MAGI1: variants seen among roughly 807,000 people sequenced by gnomAD.
MAGI1 encodes the protein membrane associated guanylate kinase, WW and PDZ domain containing 1.
A neutral mutation model predicts 139.9 loss-of-function variants in MAGI1; 58 were observed. That is an observed-to-expected ratio of 0.41 (90% CI 0.34 to 0.52). The LOEUF (loss-of-function observed/expected upper bound fraction) is 0.52, where lower values mean the gene tolerates loss of function less well. Ranked by LOEUF, MAGI1 falls within the 20% of genes least tolerant of loss-of-function variation. MAGI1 has a pLI of 0.12. For missense variants in MAGI1, 1,874 were observed against 1,901.6 expected (o/e 0.99, Z 0.27); for synonymous variants, 812 against 737.9 (o/e 1.10, Z -1.63).
intron 1 of MAGI1, among the ~76,000 whole-genome samples, chr3:65,753,458 C>T (rs975368029): frequency 2.0e-5 from 3 of 152,160 alleles, no homozygotes; most frequent in Non-Finnish European, 2.9e-5. Context: ...CAATCTGTCA[C>T]GCCTGTAATC....
intron 1 of MAGI1, among the ~76,000 whole-genome samples, chr3:65,776,918 C>T (rs952287441): frequency 6.6e-6 from 1 of 152,166 alleles, no homozygotes; most frequent in African/African-American, 2.4e-5. Flanking sequence ...CTGAACAGGG[C>T]TCCCTATTTC....
chr3:65,435,746 T>C (rs547238891), intron 10 of MAGI1, among the ~76,000 whole-genome samples: 5 of 152,136 alleles, frequency 3.3e-5, no homozygotes, highest in Non-Finnish European at 7.4e-5. Context: ...AGAGTAAACA[T>C]GGTAGGGGAA....
intron 1 of MAGI1, among the ~76,000 whole-genome samples, chr3:65,686,579 T>A (rs182427775): frequency 1.7e-3 from 258 of 152,260 alleles, no homozygotes; most frequent in African/African-American, 5.8e-3. Context: ...GCATGAGCCA[T>A]CGCACCCAGC....
At chr3:65,361,387 T>C (rs1337800633) in intron 21 of MAGI1, 50 bp from the exon 22 acceptor site, 1 of 1,592,770 alleles carries the variant, frequency 6.3e-7, no homozygotes, top group African/African-American at 1.3e-5. Flanking sequence ...ATGTACGGAT[T>C]CACCAAATGT....
chr3:65,391,455 C>G (rs770515293), intron 13 of MAGI1, 97 bp from the exon 14 acceptor site: 14 of 880,192 alleles, frequency 1.6e-5, no homozygotes, highest in Admixed American at 2.3e-5. Flanking sequence ...AGCACTTTTG[C>G]ATACACATAC....
intron 2 of MAGI1, among the ~76,000 whole-genome samples, chr3:65,591,950 C>G (rs1454825488): frequency 6.6e-6 from 1 of 152,200 alleles, no homozygotes; most frequent in Non-Finnish European, 1.5e-5. Context: ...CACTCAACCC[C>G]CTTACTCTGC....
intron 1 of MAGI1, among the ~76,000 whole-genome samples, chr3:65,848,306 C>T (rs1028525690): frequency 2.6e-5 from 4 of 152,114 alleles, no homozygotes; most frequent in African/African-American, 4.8e-5. Flanking sequence ...TGAAGCAAAG[C>T]GAAGCAACTT....
intron 1 of MAGI1, among the ~76,000 whole-genome samples, chr3:65,878,764 G>A (rs938199818): frequency 2.0e-5 from 3 of 152,106 alleles, no homozygotes; most frequent in African/African-American, 7.2e-5. Context: ...GTTACAAATA[G>A]CCCAGGGCCC....
intron 1 of MAGI1, among the ~76,000 whole-genome samples, chr3:65,705,987 G>A (rs896104472): frequency 6.6e-6 from 1 of 152,180 alleles, no homozygotes; most frequent in Non-Finnish European, 1.5e-5. Context: ...CTGAGTCCAT[G>A]AGTAACAAAT....
At chr3:65,705,197 T>C (rs992919876) in intron 1 of MAGI1, among the ~76,000 whole-genome samples, 3 of 152,200 alleles carry the variant, frequency 2.0e-5, no homozygotes, top group Non-Finnish European at 2.9e-5. Context: ...AGCTTACATT[T>C]GGATAATAAA....
chr3:65,391,410 C>A, intron 13 of MAGI1, 52 bp from the exon 14 acceptor site: 1 of 1,477,932 alleles, frequency 6.8e-7, no homozygotes, highest in South Asian at 1.2e-5. Context: ...TATTGGTTCT[C>A]TGAATGGGTG....
At chr3:65,613,554 T>C (rs542940923) in intron 2 of MAGI1, among the ~76,000 whole-genome samples, 3 of 152,318 alleles carry the variant, frequency 2.0e-5, no homozygotes, top group South Asian at 2.1e-4. Flanking sequence ...TATGAGCTTT[T>C]ACGTTTGTAA....
At chr3:65,419,406 T>C (rs1460908853) in intron 12 of MAGI1, among the ~76,000 whole-genome samples, 1 of 152,172 alleles carries the variant, frequency 6.6e-6, no homozygotes, top group East Asian at 1.9e-4. Context: ...CTGTTTCACT[T>C]CCAAGAAAAA....
At chr3:65,962,145 C>A (rs1383398913) in intron 1 of MAGI1, among the ~76,000 whole-genome samples, 1 of 130,236 alleles carries the variant, frequency 7.7e-6, no homozygotes, top group African/African-American at 3.0e-5. Flanking sequence ...TTTTTTTTGA[C>A]GGAGTCTCTC....
intron 2 of MAGI1, among the ~76,000 whole-genome samples, chr3:65,595,267 T>C (rs1308495340): frequency 6.6e-6 from 1 of 152,238 alleles, no homozygotes; most frequent in African/African-American, 2.4e-5. Context: ...CATTAATTCA[T>C]GGGCATAGTT....
intron 2 of MAGI1, among the ~76,000 whole-genome samples, chr3:65,504,629 A>C (rs898831577): frequency 6.6e-6 from 1 of 152,178 alleles, no homozygotes; most frequent in African/African-American, 2.4e-5. Context: ...GGGTTGAATA[A>C]ATCAACACTG....
intron 18 of MAGI1, among the ~76,000 whole-genome samples, chr3:65,372,533 T>G (rs552352531): frequency 6.6e-6 from 1 of 152,310 alleles, no homozygotes; most frequent in East Asian, 1.9e-4. Flanking sequence ...ATCAGCTGCA[T>G]TAGCCCCTAA....
intron 1 of MAGI1, among the ~76,000 whole-genome samples, chr3:66,032,221 TC>T (rs1190889599): frequency 9.2e-6 from 1 of 108,250 alleles, no homozygotes; most frequent in Non-Finnish European, 2.1e-5. Flanking sequence ...ATTTGCTGGG[TC>T]TTTTTTTTGA....
At chr3:65,705,920 T>C (rs530111991) in intron 1 of MAGI1, among the ~76,000 whole-genome samples, 3 of 152,238 alleles carry the variant, frequency 2.0e-5, no homozygotes, top group Non-Finnish European at 4.4e-5. Flanking sequence ...TGAAGATATA[T>C]TTCCTTATCT....
Sources: allele counts gnomAD v4.1 joint callset (sites outside exome capture counted in the v4.1 genomes callset), GRCh38; gene constraint gnomAD v4.1.1; transcripts MANE v1.5; gene names NCBI Gene and HGNC (gene_info 2026-07-23, HGNC 2026-07-21).